Variants in MEIKIN observed in about 807,000 individuals in gnomAD.
MEIKIN encodes meiotic kinetochore factor.
chr5:131,882,514 C>G (rs1750717141), intron 8 of MEIKIN, among the ~76,000 whole-genome samples: 1 of 152,076 alleles, frequency 6.6e-6, no homozygotes, highest in African/African-American at 2.4e-5. Context: ...ATATGAATAT[C>G]CTAAAATGGT....
intron 9 of MEIKIN, among the ~76,000 whole-genome samples, chr5:131,861,991 T>C (rs767049715): frequency 3.9e-5 from 6 of 152,340 alleles, no homozygotes; most frequent in East Asian, 1.9e-4. Context: ...GATTCCCTCC[T>C]CTTCAACTTT....
intron 9 of MEIKIN, among the ~76,000 whole-genome samples, chr5:131,857,678 A>C (rs1414698858): frequency 6.6e-6 from 1 of 152,038 alleles, no homozygotes; most frequent in African/African-American, 2.4e-5. Flanking sequence ...GCACCTGCCT[A>C]CCTACAGCCT....
In MEIKIN at chr5:131,897,628, T is replaced by G. The variant is rs576574451; in HGVS notation, c.703+14187A>C. Among the ~76,000 whole-genome samples, 16 of 152,280 alleles carry G rather than the reference T, an allele frequency of 1.1e-4. No homozygotes were observed. The South Asian group carries it at 3.3e-3, about 32-fold the overall frequency. On this transcript the variant is annotated intron_variant, in intron 8 of 12. Coordinates refer to ENST00000442687, the MANE Select transcript of MEIKIN (RefSeq NM_001303622.2). ...TCTAATCTTGTCTTCTCGCTTTATT[T>G]CATTAATTTGATCCTCAATCACTGA...
chr5:131,945,131 C>T, intron 2 of MEIKIN, 25 bp downstream of exon 2: 1 of 399,104 alleles, frequency 2.5e-6, no homozygotes, highest in East Asian at 3.6e-5. Context: ...AAGCTAGGAT[C>T]GGGCTGTTAC....
At chr5:131,837,623 T>A (rs1241077887) in intron 11 of MEIKIN, among the ~76,000 whole-genome samples, 1 of 152,196 alleles carries the variant, frequency 6.6e-6, no homozygotes, top group Non-Finnish European at 1.5e-5. Context: ...CTGGCAATTC[T>A]GAATAGAATT....
chr5:131,914,615 GGGAAGGA>G (rs1201382405), intron 7 of MEIKIN, among the ~76,000 whole-genome samples: 5 of 135,954 alleles, frequency 3.7e-5, no homozygotes, highest in Admixed American at 7.5e-5. Context: ...GGGAAGGAAA[GGGAAGGA>G]AAGGAATTCT....
Position 131,917,371 on chromosome 5 carries a change from G to A in MEIKIN, c.599-446C>T, listed in dbSNP as rs546354825. ...ACCTGAGGTCAGGCGTTCAAGACCAGCCCAGGCAACATGGTGAAACCCCAT... is the reference window on the plus strand; with the variant it reads ...ACCTGAGGTCAGGCGTTCAAGACCAACCCAGGCAACATGGTGAAACCCCAT... On this transcript the variant is annotated intron_variant, in intron 6 of 12. Coordinates refer to ENST00000442687, the MANE Select transcript of MEIKIN (RefSeq NM_001303622.2). 5.3e-5 allele frequency among the ~76,000 whole-genome samples: 8 copies of A among 152,082 alleles called. No individual in the cohort carries two copies. The South Asian group carries it at 1.7e-3, about 32-fold the overall frequency.
intron 12 of MEIKIN, among the ~76,000 whole-genome samples, chr5:131,811,348 T>TA (rs1354308299): frequency 6.6e-6 from 1 of 151,710 alleles, no homozygotes; most frequent in Non-Finnish European, 1.5e-5. Flanking sequence ...TTCTTTTCTT[T>TA]TTTTTTTTTT....
At chr5:131,860,615 T>TA (rs775258165) in intron 9 of MEIKIN, among the ~76,000 whole-genome samples, 2 of 82,176 alleles carry the variant, frequency 2.4e-5, no homozygotes, top group African/African-American at 6.0e-5. Context: ...AGGATAATTT[T>TA]TTTTTTTATT....
chr5:131,894,374 C>T (rs1156849218), intron 8 of MEIKIN, among the ~76,000 whole-genome samples: 2 of 152,122 alleles, frequency 1.3e-5, no homozygotes, highest in Admixed American at 6.5e-5. Context: ...ATTGACTTGG[C>T]AATGCAGGCT....
chr5:131,914,395 A>AAAAG (rs1221606239), intron 7 of MEIKIN, among the ~76,000 whole-genome samples: 5 of 150,546 alleles, frequency 3.3e-5, no homozygotes, highest in South Asian at 2.1e-4. Flanking sequence ...AAAAAAAAAA[A>AAAAG]AAAGAAAGAA....
intron 8 of MEIKIN, among the ~76,000 whole-genome samples, chr5:131,897,403 T>C (rs1435387403): frequency 6.6e-6 from 1 of 152,228 alleles, no homozygotes; most frequent in Non-Finnish European, 1.5e-5. Flanking sequence ...TGTGGTGTTC[T>C]CTGTATTTCC....
chr5:131,899,532 T>A (rs1751118235), intron 8 of MEIKIN, among the ~76,000 whole-genome samples: 1 of 147,756 alleles, frequency 6.8e-6, no homozygotes, highest in Non-Finnish European at 1.5e-5. Context: ...ACAGAGTGGT[T>A]GAATGGATTT....
intron 9 of MEIKIN, among the ~76,000 whole-genome samples, chr5:131,855,409 G>T (rs527273494): frequency 3.9e-5 from 6 of 152,158 alleles, no homozygotes; most frequent in Admixed American, 2.0e-4. Flanking sequence ...ATACAAAGAG[G>T]CAGACAGACA....
At chr5:131,832,895 C>G (rs1490768620) in intron 11 of MEIKIN, among the ~76,000 whole-genome samples, 1 of 152,208 alleles carries the variant, frequency 6.6e-6, no homozygotes, top group Non-Finnish European at 1.5e-5. Flanking sequence ...GGGCCTGGCC[C>G]AGAAAACCAC....
intron 9 of MEIKIN, among the ~76,000 whole-genome samples, chr5:131,864,751 G>A (rs191786741): frequency 7.4e-4 from 113 of 152,254 alleles, no homozygotes; most frequent in South Asian, 6.2e-3. Context: ...GTATCTGGAT[G>A]CCTAAATCTC....
intron 3 of MEIKIN, among the ~76,000 whole-genome samples, 177 bp from the exon 4 acceptor site, chr5:131,942,872 CTAAAAA>C (rs1273472584): frequency 6.6e-6 from 1 of 151,576 alleles, no homozygotes; most frequent in African/African-American, 2.4e-5. Flanking sequence ...AATATTAAAC[CTAAAAA>C]TAAATATTAA....
chr5:131,903,249 T>G (rs1751188405), intron 8 of MEIKIN, among the ~76,000 whole-genome samples: 1 of 152,084 alleles, frequency 6.6e-6, no homozygotes, highest in Non-Finnish European at 1.5e-5. Context: ...CCATGAAAAT[T>G]TCCCCAAGCT....
chr5:131,873,946 C>T (rs957355910), intron 9 of MEIKIN, among the ~76,000 whole-genome samples: 15 of 152,056 alleles, frequency 9.9e-5, no homozygotes, highest in Non-Finnish European at 2.9e-5. Flanking sequence ...TTGAAACCAA[C>T]GACAACAAAG....
Sources: allele counts gnomAD v4.1 joint callset (sites outside exome capture counted in the v4.1 genomes callset), GRCh38; gene constraint gnomAD v4.1.1; transcripts MANE v1.5; gene names NCBI Gene and HGNC (gene_info 2026-07-23, HGNC 2026-07-21).